ST18: variants seen among roughly 807,000 people sequenced by gnomAD.
ST18 encodes the protein ST18 C2H2C-type zinc finger transcription factor.
A neutral mutation model predicts 110.0 loss-of-function variants in ST18; 50 were observed. That is an observed-to-expected ratio of 0.45 (90% confidence interval 0.36 to 0.58). The LOEUF (loss-of-function observed/expected upper bound fraction) is 0.58, where lower values mean the gene tolerates loss of function less well. Ranked by LOEUF, ST18 falls within the 20% of genes least tolerant of loss-of-function variation. The pLI is 0.00. For missense variants in ST18, 1,306 were observed against 1,280.1 expected (o/e 1.02, Z -0.31); for synonymous variants, 461 against 452.4 (o/e 1.02, Z -0.24).
chr8:52,317,371 A>T (rs899958709), intron 2 of ST18, among the ~76,000 whole-genome samples: 1 of 152,228 alleles, frequency 6.6e-6, no homozygotes, highest in Non-Finnish European at 1.5e-5. Flanking sequence ...TGAAGCTGCC[A>T]CAAGTCAAGG....
intron 8 of ST18, among the ~76,000 whole-genome samples, chr8:52,181,675 T>C (rs2069641320): frequency 1.3e-5 from 2 of 151,884 alleles, no homozygotes; most frequent in Admixed American, 6.6e-5. Context: ...TGGAGCAAAA[T>C]GGAATATAAC....
At chr8:52,170,907 C>T (rs978211809) in intron 10 of ST18, among the ~76,000 whole-genome samples, 8 of 152,130 alleles carry the variant, frequency 5.3e-5, no homozygotes, top group Non-Finnish European at 2.9e-5. Flanking sequence ...ACTTCTCAAC[C>T]ACACTAACAT....
intron 14 of ST18, 85 bp from the exon 15 acceptor site, chr8:52,159,194 T>C: frequency 7.8e-7 from 1 of 1,283,654 alleles, no homozygotes; most frequent in South Asian, 1.4e-5. Flanking sequence ...ATGTAACTTC[T>C]TGCATTAAAA....
chr8:52,386,059 A>G (rs1836600485), intron 2 of ST18, among the ~76,000 whole-genome samples: 1 of 152,234 alleles, frequency 6.6e-6, no homozygotes, highest in South Asian at 2.1e-4. Flanking sequence ...AAATGCCAAC[A>G]AAGATGCACA....
chr8:52,288,781 T>C (rs774517736), intron 2 of ST18, among the ~76,000 whole-genome samples: 11 of 152,092 alleles, frequency 7.2e-5, no homozygotes, highest in Non-Finnish European at 1.5e-4. Context: ...ATTGTGGTTA[T>C]TGACCCACAA....
At chr8:52,309,474 T>C (rs1161229369) in intron 2 of ST18, among the ~76,000 whole-genome samples, 1 of 139,848 alleles carries the variant, frequency 7.2e-6, no homozygotes, top group Non-Finnish European at 1.5e-5. Flanking sequence ...TGAGCCGAGA[T>C]TGCACCATTG....
intron 15 of ST18, among the ~76,000 whole-genome samples, chr8:52,151,896 T>C (rs2058905853): frequency 6.6e-6 from 1 of 152,210 alleles, no homozygotes; most frequent in Non-Finnish European, 1.5e-5. Flanking sequence ...CAGAGTTTTA[T>C]AGTGCAAAAC....
At chr8:52,357,575 A>C (rs1823320428) in intron 2 of ST18, among the ~76,000 whole-genome samples, 1 of 149,376 alleles carries the variant, frequency 6.7e-6, no homozygotes, top group Admixed American at 6.7e-5. Context: ...AATTGTTAAA[A>C]AAGACACAAA....
At chr8:52,269,518 G>T (rs2094998233) in intron 2 of ST18, among the ~76,000 whole-genome samples, 1 of 152,166 alleles carries the variant, frequency 6.6e-6, no homozygotes, top group Non-Finnish European at 1.5e-5. Flanking sequence ...GCTGGGCTAG[G>T]TGTGAGTTCA....
intron 2 of ST18, among the ~76,000 whole-genome samples, chr8:52,252,722 C>T (rs1183839127): frequency 6.6e-6 from 1 of 151,848 alleles, no homozygotes; most frequent in African/African-American, 2.4e-5. Context: ...GTGATTTCCG[C>T]TAATTTGGCA....
chr8:52,281,971 A>C (rs2139162863), intron 2 of ST18, among the ~76,000 whole-genome samples: 1 of 152,332 alleles, frequency 6.6e-6, no homozygotes, highest in African/African-American at 2.4e-5. Flanking sequence ...GGTGCACCAA[A>C]ATCTCAGAAA....
intron 13 of ST18, 80 bp downstream of exon 13, chr8:52,163,902 GAACT>G (rs2062105501): frequency 9.4e-7 from 1 of 1,067,238 alleles, no homozygotes; most frequent in Admixed American, 2.0e-5. Context: ...AAGCCACAGA[GAACT>G]GACTCATGAA....
intron 15 of ST18, among the ~76,000 whole-genome samples, chr8:52,155,749 A>G (rs1168885866): frequency 6.6e-6 from 1 of 152,178 alleles, no homozygotes; most frequent in Admixed American, 6.5e-5. Context: ...ATGATCTTCT[A>G]CAAGATCATT....
intron 2 of ST18, among the ~76,000 whole-genome samples, chr8:52,343,290 C>A (rs1186279094): frequency 6.6e-6 from 1 of 152,072 alleles, no homozygotes; most frequent in Non-Finnish European, 1.5e-5. Flanking sequence ...GTTTTACTAC[C>A]GTATTTCACA....
At chr8:52,397,906 A>G (rs1590702387) in intron 2 of ST18, among the ~76,000 whole-genome samples, 2 of 151,928 alleles carry the variant, frequency 1.3e-5, no homozygotes, top group Non-Finnish European at 2.9e-5. Context: ...TGTTTTTCTT[A>G]GTATTGCTGT....
rs571562264 is a variant in ST18 at position 52,179,467 on chromosome 8, A to G, written c.277+655T>C. 4.6e-5 allele frequency among the ~76,000 whole-genome samples: 7 copies of G among 152,304 alleles called. No individual in the cohort carries two copies. In the East Asian group the frequency reaches 1.2e-3, roughly 25 times the overall value. On this transcript the variant is annotated intron_variant, in intron 9 of 25. Coordinates refer to ENST00000689386, the MANE Select transcript of ST18 (RefSeq NM_001352837.2). ...TGGGCACAGTGATAACTTTTCTACA[A>G]TACATCATTTTCCTTCAGTCTCCTT...
intron 17 of ST18, among the ~76,000 whole-genome samples, chr8:52,138,539 G>T (rs1205809497): frequency 1.3e-5 from 2 of 152,224 alleles, no homozygotes; most frequent in Non-Finnish European, 2.9e-5. Context: ...AGCTATGATT[G>T]TGCTACTGCA....
At chr8:52,336,046 C>T (rs1353033968) in intron 2 of ST18, among the ~76,000 whole-genome samples, 1 of 152,144 alleles carries the variant, frequency 6.6e-6, no homozygotes, top group Admixed American at 6.6e-5. Flanking sequence ...TCCTTCAAGC[C>T]CTCTTCACCT....
chr8:52,259,390 G>T (rs2094613849), intron 2 of ST18, among the ~76,000 whole-genome samples: 1 of 152,090 alleles, frequency 6.6e-6, no homozygotes, highest in African/African-American at 2.4e-5. Context: ...TTTATTGCCT[G>T]CCCACTTCAT....
Sources: gnomAD v4.1 joint callset for allele counts (sites outside exome capture counted in the v4.1 genomes callset) on GRCh38, gnomAD v4.1.1 for gene constraint, MANE v1.5 for transcripts, NCBI Gene and HGNC (gene_info 2026-07-23, HGNC 2026-07-21) for gene names.